The following DIAPH3 variants were observed in gnomAD, a reference collection of about 807,000 sequenced individuals.
The protein encoded by DIAPH3 is diaphanous related formin 3, also known as protein diaphanous homolog 3.
Under a neutral mutation model 144.3 loss-of-function variants are expected in DIAPH3, and 117 were observed. The ratio of observed to expected loss-of-function variants is 0.81; its 90% confidence interval spans 0.70 to 0.95. The LOEUF is 0.95. Among genes scored for constraint, DIAPH3 ranks in the 40% least tolerant of loss-of-function variants. The pLI is 0.00. For missense variants in DIAPH3, 1,421 were observed against 1,412.7 expected (o/e 1.01, Z -0.09); for synonymous variants, 519 against 488.9 (o/e 1.06, Z -0.81).
intron 21 of DIAPH3, among the ~76,000 whole-genome samples, chr13:59,865,689 T>G (rs1011894922): frequency 1.3e-5 from 2 of 152,024 alleles, no homozygotes; most frequent in Non-Finnish European, 2.9e-5. Flanking sequence ...AAGTGGATCC[T>G]GTAATAAATC....
chr13:59,841,864 T>C (rs2042368093), intron 22 of DIAPH3, among the ~76,000 whole-genome samples: 1 of 152,264 alleles, frequency 6.6e-6, no homozygotes, highest in South Asian at 2.1e-4. Flanking sequence ...ATTATTATTA[T>C]TCCTATTTTA....
chr13:59,930,949 T>C (rs560320721), intron 17 of DIAPH3, among the ~76,000 whole-genome samples: 1 of 152,242 alleles, frequency 6.6e-6, no homozygotes, highest in African/African-American at 2.4e-5. Flanking sequence ...CCCAAATTTG[T>C]CTCTTGAACT....
chr13:59,928,573 G>A (rs996754614), intron 17 of DIAPH3, among the ~76,000 whole-genome samples: 2 of 152,046 alleles, frequency 1.3e-5, no homozygotes, highest in African/African-American at 4.8e-5. Context: ...TTACAGCATC[G>A]ATTAAGTAGA....
chr13:59,933,878 A>T (rs1322855447), intron 17 of DIAPH3, among the ~76,000 whole-genome samples: 2 of 152,192 alleles, frequency 1.3e-5, no homozygotes, highest in Non-Finnish European at 2.9e-5. Flanking sequence ...TTATGTAAAG[A>T]ATATCATTTC....
intron 17 of DIAPH3, among the ~76,000 whole-genome samples, chr13:59,964,176 G>C (rs339533): frequency 6.6e-6 from 1 of 151,770 alleles, no homozygotes; most frequent in East Asian, 2.0e-4. Context: ...TGATAGCTAC[G>C]GACACACCAC....
chr13:60,053,382 C>T (rs2056433763), intron 4 of DIAPH3, among the ~76,000 whole-genome samples: 1 of 152,010 alleles, frequency 6.6e-6, no homozygotes, highest in Admixed American at 6.6e-5. Context: ...GATATTTATC[C>T]AACATAATTT....
chr13:59,764,687 G>C (rs1373810482), intron 27 of DIAPH3, among the ~76,000 whole-genome samples: 1 of 150,688 alleles, frequency 6.6e-6, no homozygotes, highest in African/African-American at 2.5e-5. Flanking sequence ...TGTGATGATG[G>C]AGACATACAC....
At position 60,027,793 on chromosome 13, in the gene DIAPH3, C is replaced by T. The variant is rs537790497; in HGVS notation, c.627-11648G>A. 2.0e-5 allele frequency among the ~76,000 whole-genome samples: 3 copies of T among 152,224 alleles called. No homozygotes were observed. In the South Asian group the frequency reaches 6.2e-4, roughly 32 times the overall value. On this transcript the variant is annotated intron_variant, in intron 5 of 27. Transcript: ENST00000400324. ...GTACCAGTAAGTAGTTTCTTAGTAT[C>T]AAATTAAACATCATTAGTTCAAGAA...
At chr13:59,830,359 A>C (rs1474914539) in intron 24 of DIAPH3, among the ~76,000 whole-genome samples, 1 of 151,876 alleles carries the variant, frequency 6.6e-6, no homozygotes, top group African/African-American at 2.4e-5. Context: ...ACCTTGTTAC[A>C]ATCACTTCCC....
rs751595565 is a variant in DIAPH3, at chr13:59,774,777, C to G, written c.3210G>C (p.Gln1070His). Reference sequence around the variant, plus strand: ...TTCTGTCGCGGAAGGCAGCCCCGGACTGCAAGGCCTCCAGCAGATTATCCA... The same window carrying G: ...TTCTGTCGCGGAAGGCAGCCCCGGAGTGCAAGGCCTCCAGCAGATTATCCA... ...GVMDNLLEAL[Q>H]SGAAFRDRRK... The change falls in exon 26 of 28, where the codon CAG (glutamine) becomes CAC (histidine). Residue 1070 changes from glutamine (Q) to histidine (H), a missense_variant. By Grantham distance (24) the Gln-to-His change is conservative. Transcript: ENST00000400324. 1 of 1,614,196 alleles carries G rather than the reference C, an allele frequency of 6.2e-7. No homozygotes were observed. The highest frequency in any genetic ancestry group is 8.5e-7 in the Non-Finnish European group (1 of 1,180,044).
chr13:59,817,688 C>T lies in DIAPH3; in HGVS notation c.3028-6765G>A, dbSNP rs554124203. On this transcript the variant is annotated intron_variant, in intron 24 of 27. Coordinates refer to ENST00000400324, the MANE Select transcript of DIAPH3 (RefSeq NM_001042517.2). The stretch of plus-strand genomic sequence containing the variant: ...TCTATTTGTCTAGCTTTAGTTATGC[C>T]TTTATTTTTCCTGATTTTTTTTGGT... Among the ~76,000 whole-genome samples, 204 of 151,742 alleles carry T rather than the reference C, an allele frequency of 1.3e-3. 2 individuals carry two copies. The highest frequency in any genetic ancestry group is 2.8e-3 in the Admixed American group (42 of 15,218).
intron 17 of DIAPH3, among the ~76,000 whole-genome samples, chr13:59,928,165 C>T (rs550483326): frequency 3.3e-5 from 5 of 152,202 alleles, no homozygotes; most frequent in Non-Finnish European, 5.9e-5. Flanking sequence ...GTCTAGTCTA[C>T]TGATGAAGGT....
chr13:59,944,360 C>T (rs1178026885), intron 17 of DIAPH3, among the ~76,000 whole-genome samples: 2 of 152,150 alleles, frequency 1.3e-5, no homozygotes, highest in Admixed American at 1.3e-4. Flanking sequence ...CATTCCTTTC[C>T]TCTCTTCTCT....
intron 8 of DIAPH3, among the ~76,000 whole-genome samples, chr13:60,009,001 A>G (rs1257344683): frequency 6.6e-6 from 1 of 152,182 alleles, no homozygotes; most frequent in Non-Finnish European, 1.5e-5. Flanking sequence ...TAAGGCAGAA[A>G]AAGGTTAAGC....
intron 25 of DIAPH3, among the ~76,000 whole-genome samples, chr13:59,806,232 C>G (rs957470981): frequency 4.6e-5 from 7 of 151,928 alleles, no homozygotes; most frequent in Non-Finnish European, 1.0e-4. Flanking sequence ...AATAATTCAC[C>G]CTTCCACATT....
At chr13:59,705,678 T>G (rs540580519) in intron 27 of DIAPH3, among the ~76,000 whole-genome samples, 148 of 152,332 alleles carry the variant, frequency 9.7e-4, no homozygotes, top group African/African-American at 3.5e-3. Flanking sequence ...TATTTTAGTC[T>G]TATGGCTGAA....
In DIAPH3 at chr13:59,993,200, T is replaced by C. The variant is rs1050706560; in HGVS notation, c.1015-617A>G. Among the ~76,000 whole-genome samples, 5 of 151,874 alleles carry C rather than the reference T, an allele frequency of 3.3e-5. No homozygotes were observed. In the South Asian group the frequency reaches 6.2e-4, roughly 19 times the overall value. On this transcript the variant is annotated intron_variant, in intron 9 of 27. Transcript: ENST00000400324. The stretch of plus-strand genomic sequence containing the variant: ...ACAGAGCTCACTAAATCCTTTAATA[T>C]ATAGCTTAAATGATAAAAATTTTTA...
chr13:60,039,186 G>C (rs748326457), intron 5 of DIAPH3, among the ~76,000 whole-genome samples: 11 of 151,986 alleles, frequency 7.2e-5, no homozygotes, highest in Non-Finnish European at 1.5e-4. Context: ...GGCTGACATG[G>C]CTCACAATTG....
intron 2 of DIAPH3, among the ~76,000 whole-genome samples, chr13:60,131,963 T>C (rs1399693445): frequency 6.6e-6 from 1 of 152,198 alleles, no homozygotes; most frequent in Non-Finnish European, 1.5e-5. Flanking sequence ...TGAGCCTCAA[T>C]ATTGTCAACT....
Sources: allele counts gnomAD v4.1 joint callset (sites outside exome capture counted in the v4.1 genomes callset), GRCh38; gene constraint gnomAD v4.1.1; transcripts MANE v1.5; gene names NCBI Gene and HGNC (gene_info 2026-07-23, HGNC 2026-07-21).